Variants in FGD3 observed in about 807,000 individuals in gnomAD.
FGD3 encodes FYVE, RhoGEF and PH domain-containing protein 3.
FGD3 carries 45 observed loss-of-function variants against 71.8 expected under a neutral mutation model. The ratio of observed to expected loss-of-function variants is 0.63; its 90% CI spans 0.49 to 0.80. The LOEUF (loss-of-function observed/expected upper bound fraction) is 0.80, where lower values mean the gene tolerates loss of function less well. Among genes scored for constraint, FGD3 ranks in the 30% least tolerant of loss-of-function variants. The probability of loss-of-function intolerance (pLI) is 0.00; values close to 1 mark genes in which losing one functional copy is unlikely to be tolerated. For synonymous variants in FGD3, 378 were observed against 392.8 expected (o/e 0.96, Z 0.44); for missense variants, 844 against 951.5 (o/e 0.89, Z 1.49).
intron 3 of FGD3, among the ~76,000 whole-genome samples, chr9:92,988,907 A>G (rs1860293023): frequency 1.3e-5 from 2 of 152,186 alleles, no homozygotes; most frequent in African/African-American, 4.8e-5. Context: ...AAGTTCCCCA[A>G]TAAATCACCC....
chr9:93,013,962 C>T lies in FGD3; in HGVS notation c.1146C>T (p.Ala382=), dbSNP rs527691820. The change falls in exon 9 of 18, where the codon GCC becomes GCT. Residue 382 remains alanine (A), a synonymous_variant. Transcript: ENST00000375482. ...IKEGQIQKLS[A]KNGTPQDRHL... ...AGGGCCAAATCCAGAAACTGTCAGC[C>T]AAGAACGGCACCCCCCAGGACCGCC... is the stretch of plus-strand genomic sequence containing the variant. 17 of 1,611,668 alleles carry T rather than the reference C, an allele frequency of 1.1e-5. No homozygotes were observed. In the Admixed American group the frequency reaches 2.0e-4, roughly 19 times the overall value.
rs1453510330 is a variant in FGD3, at chr9:93,035,654, G to A, written c.*65G>A. On this transcript the variant is annotated 3_prime_UTR_variant, in exon 18 of 18. Coordinates refer to ENST00000375482, the MANE Select transcript of FGD3 (RefSeq NM_001083536.2). The stretch of plus-strand genomic sequence containing the variant: ...CTGTGCTGTCCTGGGAGGTGGTGTT[G>A]GAGGCCCCATGAAGAGCGCCCTGGA... 1.1e-5 allele frequency: 16 copies of A among 1,514,028 alleles called. No individual in the cohort carries two copies. The Admixed American group carries it at 1.4e-4, about 13-fold the overall frequency. 93.8% of individuals were successfully genotyped at this position (1,514,028 alleles called of 1,614,324 possible). A position where few individuals can be genotyped will look rare whatever the true frequency, so the allele number is the denominator to read the frequency against.
In FGD3 at chr9:92,967,232, G is replaced by A. The variant is rs1444338118; in HGVS notation, c.-217-8006G>A. ...TCTGCCTTGGCCTCCCAAAGTGCTG[G>A]AATTACAGGCGTGAGCCACCGTGCC... On this transcript the variant is annotated intron_variant, in intron 1 of 17. Transcript: ENST00000375482. Among the ~76,000 whole-genome samples the A allele has an allele frequency of 2.0e-5, 3 of 152,226 alleles. 1 individual carries two copies. In the South Asian group the frequency reaches 6.2e-4, roughly 32 times the overall value.
chr9:92,972,094 C>A (rs1359012136), intron 1 of FGD3, among the ~76,000 whole-genome samples: 1 of 151,532 alleles, frequency 6.6e-6, no homozygotes, highest in Non-Finnish European at 1.5e-5. Flanking sequence ...TTCTGTGGCT[C>A]CTTTTGTTCA....
Position 93,028,995 on chromosome 9 carries a change from GTTTTTTTTTTTTTTTTTTTT to G in FGD3, c.1558-856_1558-837del, listed in dbSNP as rs869235976. On this transcript the variant is annotated intron_variant, in intron 14 of 17. Transcript: ENST00000375482. ...CATGGCTTCCTCACATGTCCTCACA[GTTTTTTTTTTTTTTTTTTTT>G]TTTTTTTTTTTTTTTTTTTTTTGAG... is the stretch of plus-strand genomic sequence containing the variant. Among the ~76,000 whole-genome samples, 58 of 51,754 alleles carry G rather than the reference GTTTTTTTTTTTTTTTTTTTT, an allele frequency of 1.1e-3. No individual in the cohort carries two copies. In the South Asian group the frequency reaches 0.022, roughly 19 times the overall value. The allele number at this position is 51,754 out of a possible 152,430, so 34.0% of individuals were successfully genotyped here.
At chr9:93,024,994 A>G (rs1862066380) in intron 14 of FGD3, among the ~76,000 whole-genome samples, 1 of 152,224 alleles carries the variant, frequency 6.6e-6, no homozygotes, top group Admixed American at 6.5e-5. Flanking sequence ...CTGGCCACAC[A>G]GGCAATGCCC....
chr9:93,026,956 G>A lies in FGD3; in HGVS notation c.1558-2918G>A, dbSNP rs191652328. On this transcript the variant is annotated intron_variant, in intron 14 of 17. Transcript: ENST00000375482. Reference sequence around the variant, plus strand: ...CACTCCCACTTCCCAGCCTCTCTGGGTGCCCACCTGGAGAAGAGGTTTTTG... The same window carrying A: ...CACTCCCACTTCCCAGCCTCTCTGGATGCCCACCTGGAGAAGAGGTTTTTG... Among the ~76,000 whole-genome samples, 34 of 152,320 alleles carry A rather than the reference G, an allele frequency of 2.2e-4. No homozygotes were observed. In the South Asian group the frequency reaches 3.1e-3, roughly 14 times the overall value.
At chr9:93,010,814 G>C (rs1331722194) in intron 7 of FGD3, among the ~76,000 whole-genome samples, 1 of 152,050 alleles carries the variant, frequency 6.6e-6, no homozygotes, top group Non-Finnish European at 1.5e-5. Context: ...AATCTCCCCT[G>C]CTTGAAGTAT....
At chr9:93,033,429 T>C (rs957004272) in intron 16 of FGD3, 3 of 167,238 alleles carry the variant, frequency 1.8e-5, no homozygotes, top group Admixed American at 1.2e-4. Context: ...TCCTGCTCCT[T>C]CTCCTCCCCG....
At chr9:93,032,691 A>C in intron 15 of FGD3, 78 bp from the exon 16 acceptor site, 1 of 1,205,776 alleles carries the variant, frequency 8.3e-7, no homozygotes, top group Non-Finnish European at 1.2e-6. Context: ...CCTCCCGCCC[A>C]CTCTACCTCC....
chr9:93,006,723 TTTTTA>T (rs1321950221), intron 6 of FGD3, among the ~76,000 whole-genome samples: 1 of 152,050 alleles, frequency 6.6e-6, no homozygotes, highest in African/African-American at 2.4e-5. Flanking sequence ...ATCTTTTATT[TTTTTA>T]TTTTATTTTT....
At chr9:93,028,204 ACACACACACACACG>A (rs1324065248) in intron 14 of FGD3, among the ~76,000 whole-genome samples, 5 of 101,604 alleles carry the variant, frequency 4.9e-5, no homozygotes, top group East Asian at 2.3e-4. Context: ...CCCGACACAC[ACACACACACACACG>A]CACACACACA....
chr9:93,034,220 C>A, intron 16 of FGD3: 1 of 290,114 alleles, frequency 3.4e-6, no homozygotes, highest in East Asian at 6.5e-5. Flanking sequence ...GCTTGAAGTC[C>A]CTGTCCCGTG....
At position 93,034,523 on chromosome 9, in the gene FGD3, G is replaced by A. The variant is rs1331289676; in HGVS notation, c.1786-18G>A. 1.2e-6 allele frequency: 2 copies of A among 1,602,798 alleles called. No individual in the cohort carries two copies. Among genetic ancestry groups the A allele is most frequent in the Non-Finnish European group, 1.7e-6 (2 of 1,173,258 alleles). On this transcript the variant is annotated intron_variant, in intron 16 of 17. Transcript: ENST00000375482. ...CTGCAGGGGAGACTGCCCCTAACCTGTGTCTTTGTGTCCCCAGAAGACACC... is the reference window on the plus strand; with the variant it reads ...CTGCAGGGGAGACTGCCCCTAACCTATGTCTTTGTGTCCCCAGAAGACACC...
At chr9:92,957,420 A>C (rs1859077462) in intron 1 of FGD3, among the ~76,000 whole-genome samples, 1 of 152,190 alleles carries the variant, frequency 6.6e-6, no homozygotes, top group African/African-American at 2.4e-5. Context: ...GGCTGTAATC[A>C]TTCCTCAGTG....
At chr9:92,954,227 G>A (rs1451804983) in intron 1 of FGD3, among the ~76,000 whole-genome samples, 6 of 152,110 alleles carry the variant, frequency 3.9e-5, no homozygotes, top group African/African-American at 1.4e-4. Context: ...GAGCCTGAAC[G>A]CTGACAAAGG....
intron 1 of FGD3, among the ~76,000 whole-genome samples, chr9:92,973,389 A>G (rs1438289745): frequency 6.6e-6 from 1 of 152,164 alleles, no homozygotes; most frequent in African/African-American, 2.4e-5. Context: ...TGCTGGGATT[A>G]CAGGCGTGAG....
Position 93,022,354 on chromosome 9 carries a change from G to A in FGD3, c.1522G>A (p.Val508Met). The A allele has an allele frequency of 3.1e-6, 5 of 1,612,660 alleles. No individual in the cohort carries two copies. The African/African-American group carries it at 4.0e-5, about 13-fold the overall frequency. The change falls in exon 14 of 18, where the codon GTG becomes ATG. Residue 508 changes from valine to methionine, a missense_variant. Val to Met is a conservative substitution (Grantham distance 21). Coordinates refer to ENST00000375482, the MANE Select transcript of FGD3 (RefSeq NM_001083536.2). ...PITSTSPVEP[V>M]VTTEGSSGAA... ...CACGAGCACCAGCCCTGTGGAGCCTGTGGTGACCACCGAAGGCAGTTCGGG... is the reference window on the plus strand; with the variant it reads ...CACGAGCACCAGCCCTGTGGAGCCTATGGTGACCACCGAAGGCAGTTCGGG...
At chr9:92,978,008 C>T (rs538348685) in intron 3 of FGD3, among the ~76,000 whole-genome samples, 12 of 152,146 alleles carry the variant, frequency 7.9e-5, no homozygotes, top group Non-Finnish European at 1.6e-4. Flanking sequence ...TCTGGCTGGG[C>T]GCGGTGGCTC....
Sources: allele counts gnomAD v4.1 joint callset (sites outside exome capture counted in the v4.1 genomes callset), GRCh38; gene constraint gnomAD v4.1.1; transcripts MANE v1.5; gene names NCBI Gene and HGNC (gene_info 2026-07-23, HGNC 2026-07-21).